TNKS: variants seen among roughly 807,000 people sequenced by gnomAD.
TNKS encodes poly [ADP-ribose] polymerase tankyrase-1.
A neutral mutation model predicts 135.8 loss-of-function variants in TNKS; 72 were observed. That is an observed-to-expected ratio of 0.53 (90% CI 0.44 to 0.64). The LOEUF (loss-of-function observed/expected upper bound fraction) is 0.64. Among genes scored for constraint, TNKS ranks in the 30% least tolerant of loss-of-function variants. TNKS has a pLI of 0.00. For synonymous variants in TNKS, 849 were observed against 649.3 expected (o/e 1.31, Z -4.68); for missense variants, 1,769 against 1,674.0 (o/e 1.06, Z -0.99).
chr8:9,604,254 C>G (rs1211214105), intron 2 of TNKS, among the ~76,000 whole-genome samples: 1 of 151,956 alleles, frequency 6.6e-6, no homozygotes, highest in African/African-American at 2.4e-5. Flanking sequence ...TGTTTTATTA[C>G]CTTTTGTACA....
At chr8:9,635,899 C>G (rs1800491218) in intron 3 of TNKS, among the ~76,000 whole-genome samples, 2 of 152,034 alleles carry the variant, frequency 1.3e-5, no homozygotes, top group Non-Finnish European at 2.9e-5. Flanking sequence ...ATATATGATC[C>G]TGGACTAGAG....
At chr8:9,588,003 A>G (rs1798453397) in intron 2 of TNKS, among the ~76,000 whole-genome samples, 1 of 152,236 alleles carries the variant, frequency 6.6e-6, no homozygotes, top group South Asian at 2.1e-4. Context: ...GCAAATATAC[A>G]AGAATGATAC....
intron 1 of TNKS, chr8:9,557,055 G>A: frequency 4.7e-6 from 1 of 213,938 alleles, no homozygotes; most frequent in South Asian, 1.3e-4. Context: ...AGGATCTATT[G>A]TAGCCTTAAT....
At chr8:9,732,127 ATTC>A (rs1156920372) in intron 14 of TNKS, among the ~76,000 whole-genome samples, 1 of 152,174 alleles carries the variant, frequency 6.6e-6, no homozygotes, top group Non-Finnish European at 1.5e-5. Flanking sequence ...GTTATTGTTT[ATTC>A]TTCTTTTTTG....
rs1356546314 is a variant in TNKS, at chr8:9,735,447, G to A, written c.2604G>A (p.Lys868=). ...EHGADVNAQD[K]GGLIPLHNAA... The stretch of plus-strand genomic sequence containing the variant: ...GAGCTGATGTTAATGCCCAGGACAA[G>A]GGTGGTTTAATTCCTCTTCATAATG... The change falls in exon 17 of 27, where the codon AAG becomes AAA. Residue 868 remains lysine, a synonymous_variant. Transcript: ENST00000310430. 25 of 1,613,948 alleles carry A rather than the reference G, an allele frequency of 1.5e-5. No homozygotes were observed. The highest frequency in any genetic ancestry group is 1.6e-4 in the Middle Eastern group (1 of 6,084).
chr8:9,733,011 A>T (rs1486199839), intron 14 of TNKS, among the ~76,000 whole-genome samples: 1 of 152,194 alleles, frequency 6.6e-6, no homozygotes, highest in Non-Finnish European at 1.5e-5. Flanking sequence ...TCATTAGCGA[A>T]ACTCATAAAG....
intron 11 of TNKS, among the ~76,000 whole-genome samples, chr8:9,713,153 A>G (rs977744902): frequency 1.3e-5 from 2 of 152,198 alleles, no homozygotes; most frequent in African/African-American, 4.8e-5. Flanking sequence ...ATAAAAGGGA[A>G]CAGAGTTCTA....
At chr8:9,733,905 A>C (rs551229067) in intron 15 of TNKS, among the ~76,000 whole-genome samples, 67 of 152,118 alleles carry the variant, frequency 4.4e-4, no homozygotes, top group African/African-American at 1.6e-3. Context: ...TGATCTCTAA[A>C]GTTGTTCATA....
At chr8:9,771,434 CAG>C (rs919773163) in intron 26 of TNKS, among the ~76,000 whole-genome samples, 1 of 62,618 alleles carries the variant, frequency 1.6e-5, no homozygotes, top group Non-Finnish European at 3.2e-5. Flanking sequence ...AAGGGAGGGA[CAG>C]AGGAAAGGAA....
At chr8:9,659,141 CTT>C (rs1034200316) in intron 3 of TNKS, among the ~76,000 whole-genome samples, 2 of 152,162 alleles carry the variant, frequency 1.3e-5, no homozygotes, top group African/African-American at 4.8e-5. Flanking sequence ...TAATGGGAGA[CTT>C]TAACACCCCA....
chr8:9,761,490 C>G (rs756759601), intron 20 of TNKS, 26 bp from the exon 21 acceptor site: 2 of 1,611,424 alleles, frequency 1.2e-6, no homozygotes, highest in East Asian at 2.2e-5. Context: ...TAAAGATATC[C>G]TAGCTAATTT....
At chr8:9,773,775 C>G (rs897487805) in intron 26 of TNKS, among the ~76,000 whole-genome samples, 3 of 151,442 alleles carry the variant, frequency 2.0e-5, no homozygotes, top group Non-Finnish European at 2.9e-5. Context: ...ATTTTATTTC[C>G]GGGGAGGATA....
chr8:9,558,503 C>A (rs568618046), intron 1 of TNKS: 1 of 152,068 alleles, frequency 6.6e-6, no homozygotes, highest in African/African-American at 2.4e-5. Context: ...TAACAAATTG[C>A]GTCACAAATC....
At chr8:9,567,134 A>G (rs1225389431) in intron 1 of TNKS, among the ~76,000 whole-genome samples, 1 of 152,200 alleles carries the variant, frequency 6.6e-6, no homozygotes, top group South Asian at 2.1e-4. Context: ...AACTTTACAA[A>G]TTTTGGAAAG....
chr8:9,764,593 C>T (rs750365224), intron 22 of TNKS, 123 bp from the exon 23 acceptor site: 2 of 576,186 alleles, frequency 3.5e-6, no homozygotes, highest in Non-Finnish European at 5.7e-6. Flanking sequence ...TACTTATCCA[C>T]TAAACTTGTT....
At chr8:9,747,271 A>G (rs1027041797) in intron 17 of TNKS, among the ~76,000 whole-genome samples, 1 of 126,918 alleles carries the variant, frequency 7.9e-6, no homozygotes, top group African/African-American at 2.9e-5. Flanking sequence ...CCCCCCTCAA[A>G]AAAATGTAGT....
chr8:9,671,922 A>G (rs1409965582), intron 3 of TNKS, among the ~76,000 whole-genome samples: 2 of 152,206 alleles, frequency 1.3e-5, no homozygotes, highest in Non-Finnish European at 2.9e-5. Flanking sequence ...TGCTCTGAGT[A>G]TGGTGATGAA....
At chr8:9,670,589 TG>T (rs1802230372) in intron 3 of TNKS, 1 of 152,184 alleles carries the variant, frequency 6.6e-6, no homozygotes, top group African/African-American at 2.4e-5. Context: ...CCTCCTCTTT[TG>T]GGTGTGCTGG....
intron 3 of TNKS, among the ~76,000 whole-genome samples, chr8:9,616,257 C>G (rs763667111): frequency 6.6e-6 from 1 of 152,086 alleles, no homozygotes; most frequent in Non-Finnish European, 1.5e-5. Flanking sequence ...AAGCAAATGC[C>G]AAGAACCAGC....
Sources: gnomAD v4.1 joint callset for allele counts (sites outside exome capture counted in the v4.1 genomes callset) on GRCh38, gnomAD v4.1.1 for gene constraint, MANE v1.5 for transcripts, NCBI Gene and HGNC (gene_info 2026-07-23, HGNC 2026-07-21) for gene names.